The following KDM2B variants were observed in gnomAD, a reference collection of about 807,000 sequenced individuals.
The protein encoded by KDM2B is lysine-specific demethylase 2B.
Under a neutral mutation model 150.0 loss-of-function variants are expected in KDM2B, and 26 were observed. The ratio of observed to expected loss-of-function variants is 0.17; its 90% CI spans 0.13 to 0.24. KDM2B has a LOEUF of 0.24. Among genes scored for constraint, KDM2B ranks in the 10% least tolerant of loss-of-function variants. The pLI, the probability that KDM2B is intolerant of heterozygous loss-of-function variation, is 1.00. For missense variants in KDM2B, 1,265 were observed against 1,816.9 expected, an observed-to-expected ratio of 0.70 and a Z score of 5.52; for synonymous variants, 734 against 729.5, an observed-to-expected ratio of 1.01 and a Z score of -0.10.
intron 12 of KDM2B, among the ~76,000 whole-genome samples, chr12:121,489,156 G>C (rs1211025452): frequency 6.6e-6 from 1 of 152,094 alleles, no homozygotes; most frequent in African/African-American, 2.4e-5. Flanking sequence ...TGTTGGCCAG[G>C]CTGGTCTTGA....
chr12:121,502,482 G>T (rs1290138443), intron 11 of KDM2B, among the ~76,000 whole-genome samples: 2 of 151,846 alleles, frequency 1.3e-5, no homozygotes, highest in African/African-American at 4.8e-5. Context: ...TTAGCTGGGC[G>T]TGGTGGCGCA....
At chr12:121,475,511 T>C (rs957078340) in intron 12 of KDM2B, among the ~76,000 whole-genome samples, 4 of 151,914 alleles carry the variant, frequency 2.6e-5, no homozygotes, top group Non-Finnish European at 4.4e-5. Context: ...TGAGGATCAT[T>C]TGAGCCCAAC....
At chr12:121,534,430 G>T (rs1887932585) in intron 7 of KDM2B, 67 bp downstream of exon 7, 2 of 1,141,028 alleles carry the variant, frequency 1.8e-6, no homozygotes, top group Non-Finnish European at 2.7e-6. Flanking sequence ...AGAGGGAAAG[G>T]TAAGTGAGCC....
At chr12:121,466,541 G>A (rs911675574) in intron 12 of KDM2B, among the ~76,000 whole-genome samples, 16 of 150,652 alleles carry the variant, frequency 1.1e-4, no homozygotes, top group African/African-American at 3.9e-4. Context: ...GCCGCCGTGC[G>A]GATTCGCCCG....
intron 20 of KDM2B, 22 bp from the exon 21 acceptor site, chr12:121,440,999 TGAA>T (rs782505960): frequency 2.2e-5 from 36 of 1,612,382 alleles, no homozygotes; most frequent in Middle Eastern, 1.6e-4. Flanking sequence ...TAGAAAAGGG[TGAA>T]GGTCAGGGGA....
intron 6 of KDM2B, among the ~76,000 whole-genome samples, chr12:121,534,982 C>T (rs1420343112): frequency 6.6e-6 from 1 of 152,120 alleles, no homozygotes; most frequent in Non-Finnish European, 1.5e-5. Context: ...TGCAGTTCTC[C>T]CAAGCTGCCA....
rs1457155058 is a variant in KDM2B at position 121,549,883 on chromosome 12, G to C, written c.398-245C>G. 6.6e-6 allele frequency among the ~76,000 whole-genome samples: 1 copy of C among 152,160 alleles called. No homozygotes were observed. The highest frequency in any genetic ancestry group is 6.5e-5 in the Admixed American group (1 of 15,270). The stretch of plus-strand genomic sequence containing the variant: ...GCGATGACCTCAAAAGCTACCTAAA[G>C]GGGCCCAAGCAGCTGGGCATGGTGG... On this transcript the variant is annotated intron_variant, in intron 4 of 22. Transcript: ENST00000377071. This position sits in a 1 kb window ranked among gnomAD's most constrained non-coding sequence, Gnocchi z 4.4.
chr12:121,556,253 A>C (rs993571429), intron 4 of KDM2B, among the ~76,000 whole-genome samples: 4 of 151,544 alleles, frequency 2.6e-5, no homozygotes, highest in Non-Finnish European at 4.4e-5. Flanking sequence ...ACAAAGCCTC[A>C]CTCTGCTCAT....
chr12:121,512,382 G>C (rs1885666794), intron 10 of KDM2B, among the ~76,000 whole-genome samples: 1 of 152,098 alleles, frequency 6.6e-6, no homozygotes, highest in African/African-American at 2.4e-5. Flanking sequence ...CGTCATTAAG[G>C]ATGGGGCATA....
the KDM2B span, among the ~76,000 whole-genome samples, chr12:121,412,724 CTT>C: frequency 1.3e-4 from 16 of 121,850 alleles, no homozygotes; most frequent in Non-Finnish European, 1.2e-4. Flanking sequence ...GATGTTCATG[CTT>C]TTTTTTTTTT....
intron 6 of KDM2B, among the ~76,000 whole-genome samples, chr12:121,542,047 CT>C (rs1273664139): frequency 6.6e-6 from 1 of 152,190 alleles, no homozygotes; most frequent in African/African-American, 2.4e-5. Flanking sequence ...TAGTGATTTA[CT>C]TTTAATTAAC....
chr12:121,421,379 A>C, the KDM2B span, among the ~76,000 whole-genome samples: 3,121 of 131,934 alleles, frequency 0.024, 140 homozygotes, highest in South Asian at 0.16. Context: ...TCTAAAAAAA[A>C]AAAAAAAAAA....
At chr12:121,485,755 G>A (rs1477715951) in intron 12 of KDM2B, among the ~76,000 whole-genome samples, 2 of 151,914 alleles carry the variant, frequency 1.3e-5, no homozygotes, top group East Asian at 1.9e-4. Flanking sequence ...ACTCAACTAC[G>A]CAGGTAAAAA....
intron 12 of KDM2B, among the ~76,000 whole-genome samples, chr12:121,458,593 C>T (rs1555293287): frequency 6.6e-6 from 1 of 151,532 alleles, no homozygotes; most frequent in African/African-American, 2.4e-5. Flanking sequence ...CTTGAGGTCA[C>T]AAGTTCAAGA....
At chr12:121,572,720 C>A (rs868972280) in intron 4 of KDM2B, among the ~76,000 whole-genome samples, 1 of 151,938 alleles carries the variant, frequency 6.6e-6, no homozygotes, top group Middle Eastern at 3.2e-3. Flanking sequence ...TGAAGTGATG[C>A]AATCATGGCC....
chr12:121,532,702 G>C, intron 8 of KDM2B, 104 bp downstream of exon 8: 14 of 1,229,282 alleles, frequency 1.1e-5, no homozygotes, highest in Non-Finnish European at 9.2e-6. Flanking sequence ...ACTGCCAATG[G>C]CCTGTCAAAC....
chr12:121,451,085 ACT>A (rs1877187255), intron 13 of KDM2B, among the ~76,000 whole-genome samples: 1 of 151,776 alleles, frequency 6.6e-6, no homozygotes, highest in Admixed American at 6.6e-5. Context: ...CAAAAGTTAT[ACT>A]GAGTGTGCCT....
At chr12:121,579,729 A>G (rs1594174891) in intron 1 of KDM2B, 2 of 1,132,288 alleles carry the variant, frequency 1.8e-6, no homozygotes, top group African/African-American at 5.3e-5. Context: ...CCGGCCCCTC[A>G]GCCCCCCAGA....
rs1391579673 is a variant in KDM2B, at chr12:121,537,772, A to ACACTCGCACC, written c.684-3192_684-3183dup. ...GCGGGAGGTGCCAAGAGCGCGCCGC[A>ACACTCGCACC]CACTCGCACCCGACCCCGGGAGACA... On this transcript the variant is annotated intron_variant, in intron 6 of 22. Coordinates refer to ENST00000377071, the MANE Select transcript of KDM2B (RefSeq NM_032590.5). The surrounding 1 kb of genome is among the most constrained non-coding windows in gnomAD (Gnocchi z 8.7). Among the ~76,000 whole-genome samples the ACACTCGCACC allele has an allele frequency of 1.3e-5, 2 of 151,860 alleles. No individual in the cohort carries two copies. Among genetic ancestry groups the ACACTCGCACC allele is most frequent in the African/African-American group, 4.8e-5 (2 of 41,384 alleles).
Sources: allele counts gnomAD v4.1 joint callset (sites outside exome capture counted in the v4.1 genomes callset), GRCh38; gene constraint gnomAD v4.1.1; non-coding constraint Gnocchi (gnomAD v3.1); transcripts MANE v1.5; gene names NCBI Gene and HGNC (gene_info 2026-07-23, HGNC 2026-07-21).